The following FUT4 variants were observed in gnomAD, a reference collection of about 807,000 sequenced individuals.
The protein encoded by FUT4 is alpha-(1,3)-fucosyltransferase 4.
FUT4 carries 1 observed loss-of-function variant against 3.8 expected under a neutral mutation model. That is an observed-to-expected ratio of 0.26 (90% CI 0.09 to 1.25). The LOEUF (loss-of-function observed/expected upper bound fraction) is 1.25, where lower values mean the gene tolerates loss of function less well. FUT4 is among the 50% of genes most tolerant of loss of function. The pLI, the probability that FUT4 is intolerant of heterozygous loss-of-function variation, is 0.47. For missense variants in FUT4, 880 were observed against 768.2 expected, an observed-to-expected ratio of 1.15 and a Z score of -1.72; for synonymous variants, 417 against 355.3, an observed-to-expected ratio of 1.17 and a Z score of -1.95.
chr11:94,545,500 T>C lies in FUT4; in HGVS notation c.1367T>C (p.Phe456Ser), dbSNP rs2135198521. ...GAGCGCTTTGTGCCCCGCGGCGCCT[T>C]CATCCACGTGGACGACTTCCCAAGT... is the stretch of plus-strand genomic sequence containing the variant. The part of the protein sequence containing the change: ...NYERFVPRGA[F>S]IHVDDFPSAS... The change falls in exon 1 of 1, where the codon TTC (phenylalanine) becomes TCC (serine). Residue 456 changes from phenylalanine (F) to serine (S), a missense_variant. By Grantham distance (155) the Phe-to-Ser change is radical. Transcript: ENST00000358752. 5.0e-6 allele frequency: 8 copies of C among 1,613,778 alleles called. No individual in the cohort carries two copies. In the East Asian group the frequency reaches 1.8e-4, roughly 36 times the overall value.
At position 94,544,175 on chromosome 11, in the gene FUT4, G is replaced by T. The variant is rs530942667; in HGVS notation, c.42G>T (p.Ala14=). 4 of 1,395,030 alleles carry T rather than the reference G, an allele frequency of 2.9e-6. No individual in the cohort carries two copies. The highest frequency in any genetic ancestry group is 1.5e-5 in the African/African-American group (1 of 65,376). The allele number at this position is 1,395,030 out of a possible 1,614,324, so 86.4% of individuals were successfully genotyped here. A position where few individuals can be genotyped will look rare whatever the true frequency, so the allele number is the denominator to read the frequency against. ...LWGAARKPSG[A]GWEKEWAEAP... Reference sequence around the variant, plus strand: ...GCGCGGCCCGGAAGCCCTCGGGCGCGGGCTGGGAGAAGGAGTGGGCGGAGG... The same window carrying T: ...GCGCGGCCCGGAAGCCCTCGGGCGCTGGCTGGGAGAAGGAGTGGGCGGAGG... Residue 14 remains alanine (A), a synonymous_variant, in exon 1 of 1, where the codon GCG becomes GCT. Transcript: ENST00000358752.
Position 94,545,989 on chromosome 11 carries a change from T to C in FUT4, c.*263T>C. 1 of 624,150 alleles carries C rather than the reference T, an allele frequency of 1.6e-6. No individual in the cohort carries two copies. The highest frequency in any genetic ancestry group is 1.6e-5 in the South Asian group (1 of 61,486). 38.7% of individuals were successfully genotyped at this position (624,150 alleles called of 1,614,324 possible). The stretch of plus-strand genomic sequence containing the variant: ...GTTTAGGGGTGAAGGAGGGGGTTCT[T>C]CCTCACCTTGTAACCAGTGCAGAAA... On this transcript the variant is annotated 3_prime_UTR_variant, in exon 1 of 1. Transcript: ENST00000358752.
In FUT4 at chr11:94,548,061, GAT is replaced by G. The variant is rs1947884369; in HGVS notation, c.*2336_*2337del. The G allele has an allele frequency of 4.2e-5, 7 of 166,742 alleles. No homozygotes were observed. Among genetic ancestry groups the G allele is most frequent in the Non-Finnish European group, 1.0e-4 (7 of 68,104 alleles). The allele number at this position is 166,742 out of a possible 1,614,324, so 10.3% of individuals were successfully genotyped here. A position where few individuals can be genotyped will look rare whatever the true frequency, so the allele number is the denominator to read the frequency against. On this transcript the variant is annotated 3_prime_UTR_variant, in exon 1 of 1. Coordinates refer to ENST00000358752, the MANE Select transcript of FUT4 (RefSeq NM_002033.4). ...AAAGGATAATCTAAATCACCATTTA[GAT>G]TAAGCTTGACTTGCAAACTAGGAAG...
Position 94,547,551 on chromosome 11 carries a change from A to G in FUT4, c.*1825A>G, listed in dbSNP as rs963452275. The stretch of plus-strand genomic sequence containing the variant: ...AGCTCACTTAAATCTAGGTGCTTCA[A>G]TTCACTTTCTTGAGAGGACAAATGA... On this transcript the variant is annotated 3_prime_UTR_variant, in exon 1 of 1. Coordinates refer to ENST00000358752, the MANE Select transcript of FUT4 (RefSeq NM_002033.4). 1.2e-5 allele frequency: 2 copies of G among 166,940 alleles called. No individual in the cohort carries two copies. Among genetic ancestry groups the G allele is most frequent in the African/African-American group, 2.4e-5 (1 of 41,478 alleles). The allele number at this position is 166,940 out of a possible 1,614,324, so 10.3% of individuals were successfully genotyped here.
rs1421110955 is a variant in FUT4, at chr11:94,544,313, G to C, written c.180G>C (p.Ala60=). The C allele has an allele frequency of 6.4e-7, 1 of 1,556,980 alleles. No homozygotes were observed. Among genetic ancestry groups the C allele is most frequent in the African/African-American group, 1.4e-5 (1 of 70,376 alleles). The change falls in exon 1 of 1, where the codon GCG becomes GCC. Residue 60 remains alanine, a synonymous_variant. Coordinates refer to ENST00000358752, the MANE Select transcript of FUT4 (RefSeq NM_002033.4). The part of the protein sequence containing the change: ...WASWPAHLAL[A]ARPARHLGGA... ...CCTGGCCAGCTCACCTTGCCCTGGC[G>C]GCTCGCCCCGCCCGGCACTTGGGAG... is the stretch of plus-strand genomic sequence containing the variant.
chr11:94,546,179 C>T lies in FUT4; in HGVS notation c.*453C>T, dbSNP rs1947860042. On this transcript the variant is annotated 3_prime_UTR_variant, in exon 1 of 1. Coordinates refer to ENST00000358752, the MANE Select transcript of FUT4 (RefSeq NM_002033.4). ...AGCAAATTTGTGGTTGTAGAAGGAG[C>T]CTTGTTGGTGGAGAGTGGAAGGACT... The T allele has an allele frequency of 2.9e-6, 1 of 340,662 alleles. No individual in the cohort carries two copies. The highest frequency in any genetic ancestry group is 2.6e-5 in the South Asian group (1 of 38,936). 21.1% of individuals were successfully genotyped at this position (340,662 alleles called of 1,614,324 possible). A position where few individuals can be genotyped will look rare whatever the true frequency, so the allele number is the denominator to read the frequency against.
Position 94,546,866 on chromosome 11 carries a change from T to G in FUT4, c.*1140T>G, listed in dbSNP as rs892497995. The G allele has an allele frequency of 1.3e-4, 22 of 167,224 alleles. No individual in the cohort carries two copies. Among genetic ancestry groups the G allele is most frequent in the Middle Eastern group, 3.4e-3 (1 of 296 alleles). 10.4% of individuals were successfully genotyped at this position (167,224 alleles called of 1,614,324 possible). The stretch of plus-strand genomic sequence containing the variant: ...GTTGTTGGCAGTTTTTGTTTATCTC[T>G]GACAGTTTTTAGTTAAATGTTTAGA... On this transcript the variant is annotated 3_prime_UTR_variant, in exon 1 of 1. Transcript: ENST00000358752.
rs1443458168 is a variant in FUT4 at position 94,548,691 on chromosome 11, A to G, written c.*2965A>G. On this transcript the variant is annotated 3_prime_UTR_variant, in exon 1 of 1. Transcript: ENST00000358752. ...CTCTAACATACCTTAAGAAAAATGC[A>G]TATCGGTGCACTGTATGTATTTCAA... The G allele has an allele frequency of 4.2e-5, 7 of 167,100 alleles. No individual in the cohort carries two copies. 10.4% of individuals were successfully genotyped at this position (167,100 alleles called of 1,614,324 possible).
Position 94,547,650 on chromosome 11 carries a change from C to G in FUT4, c.*1924C>G, listed in dbSNP as rs755769120. 1.2e-5 allele frequency: 2 copies of G among 166,862 alleles called. No individual in the cohort carries two copies. Among genetic ancestry groups the G allele is most frequent in the Non-Finnish European group, 2.9e-5 (2 of 68,084 alleles). The allele number at this position is 166,862 out of a possible 1,614,324, so 10.3% of individuals were successfully genotyped here. A position where few individuals can be genotyped will look rare whatever the true frequency, so the allele number is the denominator to read the frequency against. On this transcript the variant is annotated 3_prime_UTR_variant, in exon 1 of 1. Coordinates refer to ENST00000358752, the MANE Select transcript of FUT4 (RefSeq NM_002033.4). ...ATTACAATTACAAAGTGCCAGCCAC[C>G]GAATAAAGATAAAAGTTCAGTTCTT...
Position 94,544,284 on chromosome 11 carries a change from G to A in FUT4, c.151G>A (p.Ala51Thr), listed in dbSNP as rs756122805. ...AAAGGGACGGGCGGTGCCCGGTTGG[G>A]CGTCCTGGCCAGCTCACCTTGCCCT... is the stretch of plus-strand genomic sequence containing the variant. Reference protein sequence around the residue: ...GRKGRAVPGWASWPAHLALAA... With the variant: ...GRKGRAVPGWTSWPAHLALAA... Residue 51 changes from alanine (A) to threonine (T), a missense_variant, in exon 1 of 1, where the codon GCG becomes ACG. Around this residue, in one of 3 missense-constraint regions of FUT4, gnomAD observed 447 missense variants for 339.5 expected, o/e 1.32. Coordinates refer to ENST00000358752, the MANE Select transcript of FUT4 (RefSeq NM_002033.4). 6 of 1,551,116 alleles carry A rather than the reference G, an allele frequency of 3.9e-6. No individual in the cohort carries two copies. Among genetic ancestry groups the A allele is most frequent in the Admixed American group, 1.9e-5 (1 of 52,992 alleles).
chr11:94,544,469 G>C lies in FUT4; in HGVS notation c.336G>C (p.Ala112=). 3.3e-6 allele frequency: 5 copies of C among 1,494,912 alleles called. No individual in the cohort carries two copies. Among genetic ancestry groups the C allele is most frequent in the Non-Finnish European group, 4.4e-6 (5 of 1,129,194 alleles). The allele number at this position is 1,494,912 out of a possible 1,614,324, so 92.6% of individuals were successfully genotyped here. A position where few individuals can be genotyped will look rare whatever the true frequency, so the allele number is the denominator to read the frequency against. ...HESRCRSSTP[A]DAWRAEAALP... is the part of the protein sequence containing the mutation. The stretch of plus-strand genomic sequence containing the variant: ...GCCGGTGCCGCTCCTCCACGCCTGC[G>C]GACGCGTGGCGAGCGGAGGCAGCGC... The change falls in exon 1 of 1, where the codon GCG becomes GCC. Residue 112 remains alanine (A), a synonymous_variant. Transcript: ENST00000358752.
Position 94,544,454 on chromosome 11 carries a change from C to T in FUT4, c.321C>T (p.Arg107=), listed in dbSNP as rs774374074. Residue 107 remains arginine, a synonymous_variant, in exon 1 of 1, where the codon CGC becomes CGT. Transcript: ENST00000358752. ...EPQLQHESRC[R]SSTPADAWRA... Reference sequence around the variant, plus strand: ...AGCTACAGCATGAGAGCCGGTGCCGCTCCTCCACGCCTGCGGACGCGTGGC... The same window carrying T: ...AGCTACAGCATGAGAGCCGGTGCCGTTCCTCCACGCCTGCGGACGCGTGGC... 5 of 1,507,810 alleles carry T rather than the reference C, an allele frequency of 3.3e-6. No individual in the cohort carries two copies. The South Asian group carries it at 6.1e-5, about 18-fold the overall frequency. 93.4% of individuals were successfully genotyped at this position (1,507,810 alleles called of 1,614,324 possible). A position where few individuals can be genotyped will look rare whatever the true frequency, so the allele number is the denominator to read the frequency against.
rs2135198673 is a variant in FUT4, at chr11:94,545,561, C to T, written c.1428C>T (p.Asp476=). The T allele has an allele frequency of 1.9e-6, 3 of 1,613,622 alleles. No individual in the cohort carries two copies. The highest frequency in any genetic ancestry group is 2.2e-5 in the East Asian group (1 of 44,876). The change falls in exon 1 of 1, where the codon GAC becomes GAT. Residue 476 remains aspartate (D), a synonymous_variant. Transcript: ENST00000358752. The part of the protein sequence containing the change: ...SSLASYLLFL[D]RNPAVYRRYF... ...TGGCCTCGTACCTGCTTTTCCTCGA[C>T]CGCAACCCCGCGGTCTATCGCCGCT...
rs778031475 is a variant in FUT4, at chr11:94,544,727, C to CG, written c.600dup (p.Arg201AlafsTer3). 2 of 1,343,586 alleles carry CG rather than the reference C, an allele frequency of 1.5e-6. No individual in the cohort carries two copies. 83.2% of individuals were successfully genotyped at this position (1,343,586 alleles called of 1,614,324 possible). A position where few individuals can be genotyped will look rare whatever the true frequency, so the allele number is the denominator to read the frequency against. On this transcript the variant is annotated frameshift_variant, in exon 1 of 1. Transcript: ENST00000358752. LOFTEE classifies it low-confidence loss of function (END_TRUNC). ...GCGTGCTGCTGTGGTGGGAGCCCTT[C>CG]GGGGGGCGCGATAGCGCCCCGAGGC...
In FUT4 at chr11:94,544,125, G is replaced by A; in HGVS notation, c.-9G>A. ...ACCGGATCAGTTGAGAGAGAATCAA[G>A]AGTAGCGGATGAGGCGCTTGTGGGG... is the stretch of plus-strand genomic sequence containing the variant. On this transcript the variant is annotated 5_prime_UTR_variant, in exon 1 of 1. Transcript: ENST00000358752. 1.4e-6 allele frequency: 2 copies of A among 1,386,036 alleles called. No homozygotes were observed. The highest frequency in any genetic ancestry group is 1.9e-6 in the Non-Finnish European group (2 of 1,071,658). The allele number at this position is 1,386,036 out of a possible 1,614,324, so 85.9% of individuals were successfully genotyped here.
In FUT4 at chr11:94,546,956, G is replaced by T. The variant is rs187748934; in HGVS notation, c.*1230G>T. On this transcript the variant is annotated 3_prime_UTR_variant, in exon 1 of 1. Coordinates refer to ENST00000358752, the MANE Select transcript of FUT4 (RefSeq NM_002033.4). ...GTCTCTTGTTAAAGGCTAAATCTGC[G>T]CTTCTCCCTGGTGCCAGCAGGTTCC... The T allele has an allele frequency of 6.0e-6, 1 of 167,178 alleles. No individual in the cohort carries two copies. The highest frequency in any genetic ancestry group is 2.4e-5 in the African/African-American group (1 of 41,538). The allele number at this position is 167,178 out of a possible 1,614,324, so 10.4% of individuals were successfully genotyped here. A position where few individuals can be genotyped will look rare whatever the true frequency, so the allele number is the denominator to read the frequency against.
Position 94,544,397 on chromosome 11 carries a change from C to G in FUT4, c.264C>G (p.Ala88=). 6.5e-7 allele frequency: 1 copy of G among 1,535,024 alleles called. No homozygotes were observed. The highest frequency in any genetic ancestry group is 8.7e-7 in the Non-Finnish European group (1 of 1,148,802). The stretch of plus-strand genomic sequence containing the variant: ...GGACCGCCCCCTTCCATTCCCGGGC[C>G]AGCGGCGAGCGGCAGCGACGGCTGG... ...HSGTAPFHSR[A]SGERQRRLEP... Residue 88 remains alanine, a synonymous_variant, in exon 1 of 1, where the codon GCC becomes GCG. Coordinates refer to ENST00000358752, the MANE Select transcript of FUT4 (RefSeq NM_002033.4).
At position 94,544,033 on chromosome 11, in the gene FUT4, C is replaced by T; in HGVS notation, c.-101C>T. On this transcript the variant is annotated 5_prime_UTR_variant, in exon 1 of 1. Coordinates refer to ENST00000358752, the MANE Select transcript of FUT4 (RefSeq NM_002033.4). ...CTTCCCAGGGATGAACCGGGCCTTCCCTCTGGAAGGCGAGGGTTCGGGCCA... is the reference window on the plus strand; with the variant it reads ...CTTCCCAGGGATGAACCGGGCCTTCTCTCTGGAAGGCGAGGGTTCGGGCCA... The T allele has an allele frequency of 7.5e-7, 1 of 1,331,540 alleles. No individual in the cohort carries two copies. Among genetic ancestry groups the T allele is most frequent in the African/African-American group, 1.5e-5 (1 of 64,834 alleles). The allele number at this position is 1,331,540 out of a possible 1,614,324, so 82.5% of individuals were successfully genotyped here. A position where few individuals can be genotyped will look rare whatever the true frequency, so the allele number is the denominator to read the frequency against.
Position 94,545,207 on chromosome 11 carries a change from A to C in FUT4, c.1074A>C (p.Ala358=). The C allele has an allele frequency of 6.2e-7, 1 of 1,611,060 alleles. No homozygotes were observed. Among genetic ancestry groups the C allele is most frequent in the Non-Finnish European group, 8.5e-7 (1 of 1,179,780 alleles). The change falls in exon 1 of 1, where the codon GCA becomes GCC. Residue 358 remains alanine (A), a synonymous_variant. Transcript: ENST00000358752. Reference sequence around the variant, plus strand: ...TGTCCAGGAAACAGGGGCTGGTGGCATGGGTGGTGAGCCACTGGGACGAGC... The same window carrying C: ...TGTCCAGGAAACAGGGGCTGGTGGCCTGGGTGGTGAGCCACTGGGACGAGC... ...PPLSRKQGLV[A]WVVSHWDERQ...
Sources: gnomAD v4.1 joint callset for allele counts on GRCh38, gnomAD v4.1.1 for gene constraint, gnomAD v4.1.1 regional missense constraint, MANE v1.5 for transcripts, NCBI Gene and HGNC (gene_info 2026-07-23, HGNC 2026-07-21) for gene names.